Variants in ODR4 observed in about 807,000 individuals in gnomAD.
ODR4 encodes odr-4 GPCR localization factor homolog.
ODR4 carries 47 observed loss-of-function variants against 60.2 expected under a neutral mutation model. The observed-to-expected ratio is 0.78, with a 90% CI of 0.62 to 1.00. The LOEUF (loss-of-function observed/expected upper bound fraction) is 1.00, where lower values mean the gene tolerates loss of function less well. Ranked by LOEUF, ODR4 falls within the 50% of genes least tolerant of loss-of-function variation. The pLI is 0.00. For missense variants in ODR4, 488 were observed against 530.8 expected (o/e 0.92, Z 0.79); for synonymous variants, 178 against 175.5 (o/e 1.01, Z -0.11).
At chr1:186,408,089 A>G in intron 12 of ODR4, among the ~76,000 whole-genome samples, 1 of 152,152 alleles carries the variant, frequency 6.6e-6, no homozygotes, top group Non-Finnish European at 1.5e-5. Context: ...TACAAATACT[A>G]AATTATCATT....
At chr1:186,402,578 T>C (rs1661026023) in intron 11 of ODR4, among the ~76,000 whole-genome samples, 1 of 151,670 alleles carries the variant, frequency 6.6e-6, no homozygotes, top group Admixed American at 6.6e-5. Context: ...TTTTTTTTTT[T>C]TTAACTTTTT....
chr1:186,418,139 TAC>T (rs777783394), intron 13 of ODR4, among the ~76,000 whole-genome samples: 1 of 152,174 alleles, frequency 6.6e-6, no homozygotes, highest in Non-Finnish European at 1.5e-5. Context: ...ATTTGAGAAA[TAC>T]TAAGTTTTAA....
Position 186,406,047 on chromosome 1 carries a change from C to A in ODR4, c.1001-36C>A, listed in dbSNP as rs764349548. The A allele has an allele frequency of 7.2e-6, 10 of 1,390,452 alleles. No individual in the cohort carries two copies. In the Admixed American group the frequency reaches 2.1e-4, roughly 30 times the overall value. 86.1% of individuals were successfully genotyped at this position (1,390,452 alleles called of 1,614,324 possible). A position where few individuals can be genotyped will look rare whatever the true frequency, so the allele number is the denominator to read the frequency against. On this transcript the variant is annotated intron_variant, in intron 11 of 13. Transcript: ENST00000287859. ...TGTATCACTGATACCAGTGACAAAC[C>A]TATCTAAATATTGATAATATTTCTT...
intron 12 of ODR4, among the ~76,000 whole-genome samples, chr1:186,417,104 A>G (rs1661603391): frequency 6.6e-6 from 1 of 151,894 alleles, no homozygotes; most frequent in Non-Finnish European, 1.5e-5. Flanking sequence ...CTGGGACTAC[A>G]GGTGCACACC....
chr1:186,379,345 A>G (rs1239889061), intron 1 of ODR4, among the ~76,000 whole-genome samples: 2 of 150,798 alleles, frequency 1.3e-5, no homozygotes, highest in Non-Finnish European at 2.9e-5. Flanking sequence ...CAGGAGGCCG[A>G]GGCAGGAGAA....
intron 2 of ODR4, 90 bp downstream of exon 2, chr1:186,379,974 T>A: frequency 2.7e-6 from 2 of 729,136 alleles, no homozygotes; most frequent in Non-Finnish European, 4.2e-6. Context: ...TAAAAGATGC[T>A]ATTTAATAAT....
At chr1:186,407,380 T>A (rs1254550490) in intron 12 of ODR4, among the ~76,000 whole-genome samples, 1 of 152,278 alleles carries the variant, frequency 6.6e-6, no homozygotes, top group South Asian at 2.1e-4. Context: ...GGTTAGTGAC[T>A]GCATTATCTC....
intron 11 of ODR4, 107 bp from the exon 12 acceptor site, chr1:186,405,976 C>T: frequency 2.5e-6 from 2 of 808,124 alleles, no homozygotes; most frequent in South Asian, 3.7e-5. Flanking sequence ...AAATATTGAC[C>T]TTTTAAGCTT....
intron 5 of ODR4, among the ~76,000 whole-genome samples, chr1:186,389,167 C>CA (rs1018497601): frequency 1.4e-5 from 2 of 147,002 alleles, no homozygotes; most frequent in Non-Finnish European, 3.0e-5. Context: ...TTAACAACAA[C>CA]AAAAAAAATC....
At chr1:186,410,703 G>A (rs1263972005) in intron 12 of ODR4, among the ~76,000 whole-genome samples, 1 of 152,186 alleles carries the variant, frequency 6.6e-6, no homozygotes, top group African/African-American at 2.4e-5. Context: ...CAGTAACGAA[G>A]TTTTGGCATT....
At chr1:186,406,536 A>G (rs1661180362) in intron 12 of ODR4, among the ~76,000 whole-genome samples, 1 of 152,202 alleles carries the variant, frequency 6.6e-6, no homozygotes. Flanking sequence ...AAACAAGTTC[A>G]GGATTAAGTA....
At chr1:186,425,864 T>C (rs1302114348), downstream of ODR4, among the ~76,000 whole-genome samples, 1 of 152,180 alleles carries the variant, frequency 6.6e-6, no homozygotes, top group African/African-American at 2.4e-5. Context: ...CTGGAAAAGA[T>C]GTTCTACACA....
chr1:186,401,408 G>A, intron 11 of ODR4: 1 of 411,616 alleles, frequency 2.4e-6, no homozygotes, highest in Non-Finnish European at 4.6e-6. Flanking sequence ...GATTCTGTGT[G>A]TATTCTGCTC....
intron 5 of ODR4, among the ~76,000 whole-genome samples, chr1:186,388,990 T>C (rs918223364): frequency 1.3e-5 from 2 of 152,184 alleles, no homozygotes; most frequent in African/African-American, 4.8e-5. Flanking sequence ...CTTATGTCTT[T>C]GGCTAAGATG....
chr1:186,381,746 T>A (rs1247903061), intron 2 of ODR4, among the ~76,000 whole-genome samples: 1 of 152,218 alleles, frequency 6.6e-6, no homozygotes, highest in Non-Finnish European at 1.5e-5. Flanking sequence ...TTTCCTCTCC[T>A]TCCTCTTAAG....
chr1:186,391,851 A>C (rs1660481392), intron 8 of ODR4, 60 bp downstream of exon 8: 1 of 1,030,232 alleles, frequency 9.7e-7, no homozygotes. Flanking sequence ...ATAAAACATG[A>C]CTTATTTTTA....
intron 11 of ODR4, among the ~76,000 whole-genome samples, chr1:186,404,441 A>G (rs1403004507): frequency 6.6e-6 from 1 of 152,186 alleles, no homozygotes; most frequent in Non-Finnish European, 1.5e-5. Flanking sequence ...ATAGACCAAG[A>G]ATTGATGTAG....
At chr1:186,398,812 G>A in intron 10 of ODR4, 142 bp from the exon 11 acceptor site, 1 of 562,622 alleles carries the variant, frequency 1.8e-6, no homozygotes, top group Non-Finnish European at 3.1e-6. Context: ...CTAAATAAGT[G>A]GAAATAAAAC....
intron 11 of ODR4, among the ~76,000 whole-genome samples, chr1:186,402,197 T>TCTTTCTTC (rs986669005): frequency 5.0e-5 from 7 of 141,250 alleles, no homozygotes; most frequent in African/African-American, 1.4e-4. Context: ...ATTCTTTCTT[T>TCTTTCTTC]CTTTCTTTCT....
Sources: allele counts gnomAD v4.1 joint callset (sites outside exome capture counted in the v4.1 genomes callset), GRCh38; gene constraint gnomAD v4.1.1; transcripts MANE v1.5; gene names NCBI Gene and HGNC (gene_info 2026-07-23, HGNC 2026-07-21).